The following XKR4 variants were observed in gnomAD, a reference collection of about 807,000 sequenced individuals.
The protein encoded by XKR4 is XK related 4, also known as XK-related protein 4.
Under a neutral mutation model 53.9 loss-of-function variants are expected in XKR4, and 12 were observed. That is an observed-to-expected ratio of 0.22 (90% confidence interval 0.14 to 0.36). XKR4 has a LOEUF of 0.36. Ranked by LOEUF, XKR4 falls within the 10% of genes least tolerant of loss-of-function variation. The pLI is 1.00. For synonymous variants in XKR4, 354 were observed against 362.4 expected, an observed-to-expected ratio of 0.98 and a Z score of 0.26; for missense variants, 799 against 859.5, an observed-to-expected ratio of 0.93 and a Z score of 0.88.
intron 2 of XKR4, among the ~76,000 whole-genome samples, chr8:55,369,772 A>G (rs1407611000): frequency 6.6e-6 from 1 of 152,134 alleles, no homozygotes; most frequent in Non-Finnish European, 1.5e-5. Context: ...ATAGTTCTTC[A>G]TTTTTAATGA....
intron 2 of XKR4, chr8:55,453,582 C>G (rs184281245): frequency 4.4e-4 from 174 of 392,756 alleles, no homozygotes; most frequent in Middle Eastern, 1.9e-3. Flanking sequence ...GTCCTCCTCC[C>G]AGCCTTCATG....
intron 1 of XKR4, among the ~76,000 whole-genome samples, chr8:55,201,780 A>T (rs1222324538): frequency 6.6e-6 from 1 of 152,178 alleles, no homozygotes; most frequent in Admixed American, 6.5e-5. Context: ...TAAGTACTGA[A>T]ATCGCATGCA....
intron 1 of XKR4, among the ~76,000 whole-genome samples, chr8:55,226,312 T>G (rs868208757): frequency 3.3e-5 from 5 of 152,208 alleles, no homozygotes; most frequent in Non-Finnish European, 5.9e-5. Flanking sequence ...GTGCATTAAT[T>G]CATGGAGGAA....
At chr8:55,134,369 T>A (rs908373075) in intron 1 of XKR4, among the ~76,000 whole-genome samples, 1 of 152,208 alleles carries the variant, frequency 6.6e-6, no homozygotes, top group Non-Finnish European at 1.5e-5. Context: ...CTGTATATAA[T>A]TTGTGAGGGT....
At chr8:55,230,826 GACA>G (rs1234097487) in intron 1 of XKR4, among the ~76,000 whole-genome samples, 2 of 152,172 alleles carry the variant, frequency 1.3e-5, no homozygotes, top group East Asian at 3.8e-4. Flanking sequence ...CTTGACTGGT[GACA>G]ACATCTCTGT....
intron 1 of XKR4, among the ~76,000 whole-genome samples, chr8:55,321,097 C>A (rs1311226982): frequency 6.6e-6 from 1 of 152,112 alleles, no homozygotes; most frequent in Non-Finnish European, 1.5e-5. Flanking sequence ...AGCTTCCTTG[C>A]ATCTAGGTCC....
intron 1 of XKR4, among the ~76,000 whole-genome samples, chr8:55,126,104 A>G (rs1816464598): frequency 6.6e-6 from 1 of 152,220 alleles, no homozygotes; most frequent in Non-Finnish European, 1.5e-5. Context: ...ACAGAAATAA[A>G]TTAATTAATA....
intron 2 of XKR4, among the ~76,000 whole-genome samples, chr8:55,430,898 C>G (rs1030672858): frequency 1.4e-4 from 21 of 152,194 alleles, no homozygotes; most frequent in African/African-American, 5.1e-4. Flanking sequence ...CCTCAGGCTT[C>G]AAATAGAGTC....
intron 2 of XKR4, among the ~76,000 whole-genome samples, chr8:55,460,010 T>C (rs920841462): frequency 1.9e-5 from 2 of 102,908 alleles, no homozygotes; most frequent in Non-Finnish European, 4.3e-5. Context: ...AGCCAAATGC[T>C]GAAAAAAAAA....
intron 1 of XKR4, among the ~76,000 whole-genome samples, chr8:55,168,421 G>A (rs1817100183): frequency 6.6e-6 from 1 of 152,102 alleles, no homozygotes; most frequent in African/African-American, 2.4e-5. Context: ...TACATGAGAG[G>A]CTGAAGGATT....
intron 2 of XKR4, among the ~76,000 whole-genome samples, chr8:55,418,545 T>C (rs987476081): frequency 3.3e-5 from 5 of 152,198 alleles, no homozygotes; most frequent in African/African-American, 1.2e-4. Flanking sequence ...CAGGTCCTGG[T>C]AGCCTGAGGT....
Position 55,148,211 on chromosome 8 carries a change from C to G in XKR4, c.806+44917C>G, listed in dbSNP as rs377654794. Among the ~76,000 whole-genome samples, 239 of 152,216 alleles carry G rather than the reference C, an allele frequency of 1.6e-3. 8 individuals are homozygous for G. The South Asian group carries it at 0.047, about 30-fold the overall frequency. ...TTCTTAAAAATTACCATAGCTCCAGCCTGGACAACATGGTGTAACCCCGTC... is the reference window on the plus strand; with the variant it reads ...TTCTTAAAAATTACCATAGCTCCAGGCTGGACAACATGGTGTAACCCCGTC... On this transcript the variant is annotated intron_variant, in intron 1 of 2. Coordinates refer to ENST00000327381, the MANE Select transcript of XKR4 (RefSeq NM_052898.2).
intron 1 of XKR4, among the ~76,000 whole-genome samples, chr8:55,150,495 A>G (rs1176247916): frequency 1.3e-5 from 2 of 152,196 alleles, no homozygotes; most frequent in Non-Finnish European, 2.9e-5. Flanking sequence ...GATATCACTC[A>G]TACTTAGGAA....
chr8:55,297,570 G>T (rs1819118919), intron 1 of XKR4, among the ~76,000 whole-genome samples: 1 of 152,084 alleles, frequency 6.6e-6, no homozygotes, highest in African/African-American at 2.4e-5. Context: ...ATCCTTACAG[G>T]GGAAAGGTTA....
chr8:55,500,357 G>A (rs1410159379), intron 2 of XKR4, among the ~76,000 whole-genome samples: 2 of 152,106 alleles, frequency 1.3e-5, no homozygotes, highest in Non-Finnish European at 2.9e-5. Context: ...CAAAGGTCCA[G>A]ATGACCTATT....
At chr8:55,256,363 G>A (rs953176434) in intron 1 of XKR4, among the ~76,000 whole-genome samples, 10 of 152,234 alleles carry the variant, frequency 6.6e-5, no homozygotes, top group African/African-American at 2.4e-4. Context: ...CTTGGTGGCT[G>A]TATGGAGAAT....
chr8:55,160,694 C>G (rs1031424319), intron 1 of XKR4, among the ~76,000 whole-genome samples: 1 of 152,182 alleles, frequency 6.6e-6, no homozygotes, highest in African/African-American at 2.4e-5. Context: ...TTGAACCACA[C>G]AAAATGGCCA....
chr8:55,137,085 T>C (rs1043913606), intron 1 of XKR4, among the ~76,000 whole-genome samples: 3 of 152,184 alleles, frequency 2.0e-5, no homozygotes, highest in Non-Finnish European at 4.4e-5. Flanking sequence ...ATTCTGGAGC[T>C]GAACTTATAG....
intron 1 of XKR4, among the ~76,000 whole-genome samples, chr8:55,242,744 C>T (rs893943851): frequency 3.0e-4 from 46 of 151,964 alleles, no homozygotes; most frequent in Non-Finnish European, 6.3e-4. Flanking sequence ...GGCAGGGAGC[C>T]GCAGAGGAGG....
Sources: allele counts gnomAD v4.1 joint callset (sites outside exome capture counted in the v4.1 genomes callset), GRCh38; gene constraint gnomAD v4.1.1; transcripts MANE v1.5; gene names NCBI Gene and HGNC (gene_info 2026-07-23, HGNC 2026-07-21).